Variants in RET observed in about 807,000 individuals in gnomAD.
RET encodes the protein proto-oncogene tyrosine-protein kinase receptor Ret.
In RET, 19 loss-of-function variants were observed where a neutral mutation model predicts 118.3. The ratio of observed to expected loss-of-function variants is 0.16; its 90% confidence interval spans 0.11 to 0.24. The LOEUF is 0.24. RET is among the 10% of genes least tolerant of loss of function. The pLI is 1.00. For missense variants in RET, 1,219 were observed against 1,502.1 expected (o/e 0.81, Z 3.12); for synonymous variants, 597 against 644.1 (o/e 0.93, Z 1.11).
At chr10:43,089,587 C>A (rs564364473) in intron 1 of RET, among the ~76,000 whole-genome samples, 3 of 152,188 alleles carry the variant, frequency 2.0e-5, no homozygotes, top group Non-Finnish European at 4.4e-5. Flanking sequence ...ACCTCAGGAC[C>A]CCAGGGGACA....
intron 1 of RET, among the ~76,000 whole-genome samples, chr10:43,095,296 C>G (rs1212174256): frequency 6.6e-6 from 1 of 152,110 alleles, no homozygotes; most frequent in African/African-American, 2.4e-5. Context: ...ACATAGCACA[C>G]CCTGTCTCGT....
chr10:43,079,975 C>G (rs1276557537), intron 1 of RET, among the ~76,000 whole-genome samples: 4 of 152,198 alleles, frequency 2.6e-5, no homozygotes, highest in Non-Finnish European at 4.4e-5. Flanking sequence ...CAGAAGCTGC[C>G]TGCAGCCCTC....
chr10:43,105,269 C>T, intron 4 of RET, 76 bp downstream of exon 4: 4 of 1,599,676 alleles, frequency 2.5e-6, no homozygotes, highest in African/African-American at 1.3e-5. Flanking sequence ...GGTTTAGTGT[C>T]CGTGTAGCCA....
At chr10:43,087,755 G>A (rs1302945927) in intron 1 of RET, among the ~76,000 whole-genome samples, 1 of 152,216 alleles carries the variant, frequency 6.6e-6, no homozygotes, top group Non-Finnish European at 1.5e-5. Flanking sequence ...ATGAGCCAGT[G>A]GTGGCCCTGT....
intron 1 of RET, among the ~76,000 whole-genome samples, chr10:43,096,663 A>C (rs1322781928): frequency 6.6e-6 from 1 of 152,174 alleles, no homozygotes; most frequent in Non-Finnish European, 1.5e-5. Context: ...CAGAGTCTGC[A>C]CAGTCCGGTG....
At chr10:43,079,066 C>G (rs955099418) in intron 1 of RET, among the ~76,000 whole-genome samples, 2 of 152,198 alleles carry the variant, frequency 1.3e-5, no homozygotes, top group African/African-American at 4.8e-5. Flanking sequence ...CCCAACCACC[C>G]CAAGGGGACA....
intron 11 of RET, among the ~76,000 whole-genome samples, chr10:43,115,299 G>A (rs569050428): frequency 1.3e-5 from 2 of 152,342 alleles, no homozygotes; most frequent in East Asian, 3.9e-4. Flanking sequence ...AGCCTCCAGG[G>A]AGGAAGCTGA....
Position 43,106,617 on chromosome 10 carries a change from A to G in RET, c.1063+46A>G. ...GGCCTGGCTAGGCCCCCAGGAAATG[A>G]GGTGCTCGCTCTTCATGGGCAAGCA... On this transcript the variant is annotated intron_variant, in intron 5 of 19. Coordinates refer to ENST00000355710, the MANE Select transcript of RET (RefSeq NM_020975.6). This position sits in a 1 kb window ranked among gnomAD's most constrained non-coding sequence, Gnocchi z 5.1. 1 of 1,590,070 alleles carries G rather than the reference A, an allele frequency of 6.3e-7. No individual in the cohort carries two copies. Among genetic ancestry groups the G allele is most frequent in the Non-Finnish European group, 8.6e-7 (1 of 1,164,134 alleles).
chr10:43,111,588 C>A lies in RET; in HGVS notation c.1522+123C>A, dbSNP rs1837929826. 5 of 1,082,226 alleles carry A rather than the reference C, an allele frequency of 4.6e-6. No individual in the cohort carries two copies. The South Asian group carries it at 6.5e-5, about 14-fold the overall frequency. 67.0% of individuals were successfully genotyped at this position (1,082,226 alleles called of 1,614,324 possible). ...AGCTGGGGAGTGGGGAAGGCATGGA[C>A]CAGCTTCACCCTGAGTGACCCAGCA... On this transcript the variant is annotated intron_variant, in intron 7 of 19. Transcript: ENST00000355710.
intron 1 of RET, among the ~76,000 whole-genome samples, chr10:43,099,622 G>A (rs952132487): frequency 3.0e-4 from 46 of 152,116 alleles, no homozygotes; most frequent in African/African-American, 9.9e-4. Context: ...ATATGCCCAC[G>A]TGATCTGCAC....
intron 1 of RET, among the ~76,000 whole-genome samples, chr10:43,097,892 C>T (rs915075682): frequency 2.6e-5 from 4 of 152,082 alleles, no homozygotes; most frequent in South Asian, 4.2e-4. Flanking sequence ...AAGCAGCAAC[C>T]GTCTGGGTGG....
chr10:43,104,298 C>T (rs1837708023), intron 3 of RET, among the ~76,000 whole-genome samples: 1 of 151,138 alleles, frequency 6.6e-6, no homozygotes, highest in Admixed American at 6.6e-5. Context: ...AAAAAAAAAC[C>T]TAACAGTTTT....
intron 5 of RET, among the ~76,000 whole-genome samples, chr10:43,107,600 CACCCT>C (rs1233295686): frequency 2.7e-5 from 4 of 147,612 alleles, no homozygotes; most frequent in Non-Finnish European, 6.1e-5. Context: ...CACACACACA[CACCCT>C]GTTACCCAAA....
intron 13 of RET, among the ~76,000 whole-genome samples, chr10:43,118,888 C>T (rs1838136685): frequency 2.0e-5 from 3 of 152,222 alleles, no homozygotes; most frequent in African/African-American, 7.2e-5. Context: ...CCAGCCCCGC[C>T]CTGCATGGCA....
chr10:43,103,793 A>G (rs953248759), intron 3 of RET, among the ~76,000 whole-genome samples: 4 of 152,340 alleles, frequency 2.6e-5, no homozygotes, highest in Non-Finnish European at 5.9e-5. Context: ...AATCACACTC[A>G]ACAGAGGAAA....
At chr10:43,077,352 G>A in intron 1 of RET, 21 bp downstream of exon 1, 1 of 1,504,526 alleles carries the variant, frequency 6.6e-7, no homozygotes, top group Non-Finnish European at 8.8e-7. Flanking sequence ...CCGGCCGCCG[G>A]CTCCCGCAGG....
chr10:43,079,496 C>T (rs142898999), intron 1 of RET, among the ~76,000 whole-genome samples: 16 of 152,360 alleles, frequency 1.1e-4, no homozygotes, highest in African/African-American at 3.8e-4. Context: ...CATTGCTCAA[C>T]ACAGATACAG....
chr10:43,081,998 C>CTGGA (rs1366682278), intron 1 of RET, among the ~76,000 whole-genome samples: 2 of 152,210 alleles, frequency 1.3e-5, no homozygotes, highest in African/African-American at 4.8e-5. Flanking sequence ...GGCCTGGGCA[C>CTGGA]TTGGATTGGC....
intron 3 of RET, 144 bp from the exon 4 acceptor site, chr10:43,104,808 C>G: frequency 7.9e-7 from 1 of 1,272,402 alleles, no homozygotes. Flanking sequence ...CGAGCGCTGC[C>G]CTCCCCTGTG....
Sources: allele counts gnomAD v4.1 joint callset (sites outside exome capture counted in the v4.1 genomes callset), GRCh38; gene constraint gnomAD v4.1.1; non-coding constraint Gnocchi (gnomAD v3.1); transcripts MANE v1.5; gene names NCBI Gene and HGNC (gene_info 2026-07-23, HGNC 2026-07-21).